The following FHIT variants were observed in gnomAD, a reference collection of about 807,000 sequenced individuals.
FHIT encodes the protein bis(5'-adenosyl)-triphosphatase.
Under a neutral mutation model 17.9 loss-of-function variants are expected in FHIT, and 19 were observed. The observed-to-expected ratio is 1.06, with a 90% CI of 0.74 to 1.56. The LOEUF (loss-of-function observed/expected upper bound fraction) is 1.56, where lower values mean the gene tolerates loss of function less well. Ranked by LOEUF, FHIT falls within the 40% of genes most tolerant of loss-of-function variation. The probability of loss-of-function intolerance (pLI) is 0.00; values close to 1 mark genes in which losing one functional copy is unlikely to be tolerated. For missense variants in FHIT, 248 were observed against 189.2 expected, an observed-to-expected ratio of 1.31 and a Z score of -1.82; for synonymous variants, 81 against 69.7, an observed-to-expected ratio of 1.16 and a Z score of -0.81.
chr3:60,454,270 C>T lies in FHIT; in HGVS notation c.103+82590G>A, dbSNP rs1168520066. Among the ~76,000 whole-genome samples, 5 of 152,110 alleles carry T rather than the reference C, an allele frequency of 3.3e-5. No individual in the cohort carries two copies. In the East Asian group the frequency reaches 7.7e-4, roughly 23 times the overall value. On this transcript the variant is annotated intron_variant, in intron 5 of 9. Coordinates refer to ENST00000492590, the MANE Select transcript of FHIT (RefSeq NM_002012.4). The stretch of plus-strand genomic sequence containing the variant: ...TCCTCAAGCCAAAAGCAGATCAGAC[C>T]CTCACTGAGGGCACTTTCTATTAAA...
At chr3:60,866,600 C>T (rs995906954) in intron 3 of FHIT, among the ~76,000 whole-genome samples, 22 of 152,168 alleles carry the variant, frequency 1.4e-4, no homozygotes, top group Non-Finnish European at 2.8e-4. Flanking sequence ...AAATTCCTAA[C>T]TCACCAAAAT....
intron 5 of FHIT, among the ~76,000 whole-genome samples, chr3:60,486,500 T>C (rs1369964459): frequency 6.6e-6 from 1 of 152,126 alleles, no homozygotes; most frequent in Non-Finnish European, 1.5e-5. Context: ...CATCAGCAAA[T>C]TTAGGATACC....
rs148728761 is a variant in FHIT at position 60,090,660 on chromosome 3, G to A, written c.104-76508C>T. Among the ~76,000 whole-genome samples, 812 of 152,314 alleles carry A rather than the reference G, an allele frequency of 5.3e-3. 7 individuals are homozygous for A. The highest frequency in any genetic ancestry group is 8.4e-3 in the Non-Finnish European group (570 of 68,028). ...CCTTTCTCTGCTATCTACCACTAGA[G>A]TGACATGCTGGGGTCTTGAATAGTT... On this transcript the variant is annotated intron_variant, in intron 5 of 9. Coordinates refer to ENST00000492590, the MANE Select transcript of FHIT (RefSeq NM_002012.4).
intron 3 of FHIT, among the ~76,000 whole-genome samples, chr3:60,891,667 A>G (rs1403005670): frequency 2.6e-5 from 4 of 152,154 alleles, no homozygotes; most frequent in South Asian, 2.1e-4. Context: ...TGTATTTGCT[A>G]TCTCTTGCAA....
chr3:59,938,909 A>C (rs1416287618), intron 7 of FHIT, among the ~76,000 whole-genome samples: 1 of 152,146 alleles, frequency 6.6e-6, no homozygotes, highest in Non-Finnish European at 1.5e-5. Flanking sequence ...CCTAAATCAT[A>C]TCTCGGTTTG....
chr3:60,126,237 G>C (rs760058905), intron 5 of FHIT, among the ~76,000 whole-genome samples: 3 of 152,104 alleles, frequency 2.0e-5, no homozygotes, highest in Non-Finnish European at 4.4e-5. Flanking sequence ...CTTTGGGCTT[G>C]AGTCTTTAAA....
At chr3:60,605,887 G>T (rs543169932) in intron 4 of FHIT, among the ~76,000 whole-genome samples, 1 of 152,244 alleles carries the variant, frequency 6.6e-6, no homozygotes, top group African/African-American at 2.4e-5. Context: ...CTTTGAACAT[G>T]TGAATGTCCT....
chr3:59,792,825 C>G (rs80219854), intron 8 of FHIT, among the ~76,000 whole-genome samples: 3,754 of 150,412 alleles, frequency 0.025, 158 homozygotes, highest in African/African-American at 0.085. Context: ...GTTCACCCAA[C>G]CATCATATCA....
At chr3:61,225,279 T>C (rs984203862) in intron 1 of FHIT, among the ~76,000 whole-genome samples, 6 of 152,252 alleles carry the variant, frequency 3.9e-5, no homozygotes, top group Admixed American at 6.5e-5. Flanking sequence ...TAGTTTCATG[T>C]TTGTTAATGC....
At chr3:59,772,835 G>C (rs1236524583) in intron 8 of FHIT, among the ~76,000 whole-genome samples, 1 of 152,130 alleles carries the variant, frequency 6.6e-6, no homozygotes. Flanking sequence ...TCAGCCCTGT[G>C]GTGGTCAGCG....
chr3:60,799,674 T>C (rs1553731673), intron 4 of FHIT, among the ~76,000 whole-genome samples: 2 of 152,216 alleles, frequency 1.3e-5, no homozygotes, highest in East Asian at 1.9e-4. Context: ...CTACTCCTTT[T>C]TCGGGGCTAC....
In FHIT at chr3:60,255,948, C is replaced by G. The variant is rs990589390; in HGVS notation, c.104-241796G>C. 2.0e-5 allele frequency among the ~76,000 whole-genome samples: 3 copies of G among 152,258 alleles called. No individual in the cohort carries two copies. The South Asian group carries it at 6.2e-4, about 32-fold the overall frequency. ...GCCCTGTCCTTGAGGGGGATCTCAG[C>G]CCCTAAGTGAAACACTTGAAATTAG... On this transcript the variant is annotated intron_variant, in intron 5 of 9. Transcript: ENST00000492590.
At chr3:60,136,519 C>G (rs1485087380) in intron 5 of FHIT, among the ~76,000 whole-genome samples, 1 of 152,166 alleles carries the variant, frequency 6.6e-6, no homozygotes, top group African/African-American at 2.4e-5. Context: ...CCCATTCTGT[C>G]TCAAACCTGC....
chr3:60,312,927 G>A (rs573451253), intron 5 of FHIT, among the ~76,000 whole-genome samples: 2 of 152,274 alleles, frequency 1.3e-5, no homozygotes, highest in South Asian at 2.1e-4. Context: ...TAATAAGAGC[G>A]CTGGTATTTA....
At chr3:60,826,227 G>C (rs1232963616) in intron 3 of FHIT, among the ~76,000 whole-genome samples, 1 of 150,296 alleles carries the variant, frequency 6.7e-6, no homozygotes, top group African/African-American at 2.5e-5. Context: ...GGAAGGAAGG[G>C]AGTTACCAGT....
At chr3:60,579,675 A>G (rs2037690660) in intron 4 of FHIT, among the ~76,000 whole-genome samples, 1 of 152,170 alleles carries the variant, frequency 6.6e-6, no homozygotes, top group Admixed American at 6.6e-5. Flanking sequence ...CATTAGCTAA[A>G]CTATTACTAC....
chr3:61,246,534 A>G (rs1254254115), intron 1 of FHIT, among the ~76,000 whole-genome samples: 7 of 152,224 alleles, frequency 4.6e-5, no homozygotes, highest in African/African-American at 1.4e-4. Flanking sequence ...GTCGAAATGC[A>G]GGTAACCGGA....
chr3:59,987,827 A>G (rs910629615), intron 7 of FHIT, among the ~76,000 whole-genome samples: 1 of 152,036 alleles, frequency 6.6e-6, no homozygotes, highest in Non-Finnish European at 1.5e-5. Context: ...CAAGGAAAGA[A>G]AGACTTGGGG....
chr3:60,979,367 C>A (rs1710391539), intron 3 of FHIT, among the ~76,000 whole-genome samples: 1 of 152,178 alleles, frequency 6.6e-6, no homozygotes, highest in South Asian at 2.1e-4. Flanking sequence ...ACAGTTAATG[C>A]CAGCCTTCTC....
Sources: gnomAD v4.1 joint callset for allele counts (sites outside exome capture counted in the v4.1 genomes callset) on GRCh38, gnomAD v4.1.1 for gene constraint, MANE v1.5 for transcripts, NCBI Gene and HGNC (gene_info 2026-07-23, HGNC 2026-07-21) for gene names.